Variants in LRP2 observed in about 807,000 individuals in gnomAD.
LRP2 encodes LDL receptor related protein 2, also known as low-density lipoprotein receptor-related protein 2.
Under a neutral mutation model 531.0 loss-of-function variants are expected in LRP2, and 172 were observed. The ratio of observed to expected loss-of-function variants is 0.32; its 90% confidence interval spans 0.29 to 0.37. The LOEUF (loss-of-function observed/expected upper bound fraction) is 0.37. Among genes scored for constraint, LRP2 ranks in the 10% least tolerant of loss-of-function variants. LRP2 has a pLI of 1.00. For missense variants in LRP2, 5,167 were observed against 5,868.3 expected (o/e 0.88, Z 3.90); for synonymous variants, 1,992 against 2,027.6 (o/e 0.98, Z 0.47).
chr2:169,263,246 G>T (rs1276493315), intron 16 of LRP2, among the ~76,000 whole-genome samples: 1 of 152,178 alleles, frequency 6.6e-6, no homozygotes, highest in East Asian at 1.9e-4. Context: ...TTGACAAATG[G>T]GATCTAATTA....
chr2:169,234,912 GT>G (rs35329615), intron 29 of LRP2, among the ~76,000 whole-genome samples: 3,747 of 144,868 alleles, frequency 0.026, 66 homozygotes, highest in African/African-American at 0.065. Flanking sequence ...GTTAATTTTT[GT>G]TTTTTTTTTT....
intron 6 of LRP2, among the ~76,000 whole-genome samples, chr2:169,293,826 G>A (rs1449495757): frequency 1.3e-5 from 2 of 152,128 alleles, no homozygotes; most frequent in African/African-American, 2.4e-5. Context: ...GGTTGTCAGA[G>A]GTATGGGTCA....
chr2:169,292,226 T>C (rs779840155), intron 7 of LRP2, 27 bp downstream of exon 7: 6 of 1,483,358 alleles, frequency 4.0e-6, no homozygotes, highest in Non-Finnish European at 5.7e-6. Flanking sequence ...AAAATGCTTT[T>C]CAGTAGGAAT....
chr2:169,289,856 C>A (rs1683954667), intron 8 of LRP2, among the ~76,000 whole-genome samples: 1 of 151,632 alleles, frequency 6.6e-6, no homozygotes, highest in Non-Finnish European at 1.5e-5. Context: ...AATTTTTAAG[C>A]TTTTTTAAAT....
intron 4 of LRP2, among the ~76,000 whole-genome samples, chr2:169,306,023 A>C (rs1175358511): frequency 6.6e-6 from 1 of 152,152 alleles, no homozygotes; most frequent in African/African-American, 2.4e-5. Context: ...CACAACAACA[A>C]AATTGCCTAA....
chr2:169,333,767 C>G (rs1474062379), intron 1 of LRP2, among the ~76,000 whole-genome samples: 1 of 152,086 alleles, frequency 6.6e-6, no homozygotes. Flanking sequence ...TTTTAACAGA[C>G]TGAGCAAAAA....
At chr2:169,268,790 T>C (rs898076346) in intron 16 of LRP2, among the ~76,000 whole-genome samples, 8 of 152,242 alleles carry the variant, frequency 5.3e-5, no homozygotes, top group African/African-American at 1.7e-4. Flanking sequence ...GGGTATTCAA[T>C]TAGGAAAAGA....
intron 29 of LRP2, among the ~76,000 whole-genome samples, chr2:169,235,332 C>T (rs144833199): frequency 0.018 from 2,677 of 151,932 alleles, 71 homozygotes; most frequent in African/African-American, 0.061. Context: ...CTCTGCTTCC[C>T]GGGTTCAAGC....
rs776885594 is a variant in LRP2 at position 169,257,117 on chromosome 2, T to C, written c.2639+7A>G. 8.7e-6 allele frequency: 14 copies of C among 1,612,396 alleles called. No individual in the cohort carries two copies. The Admixed American group carries it at 2.3e-4, about 27-fold the overall frequency. On this transcript the variant is annotated splice_region_variant and intron_variant, in intron 18 of 78. Transcript: ENST00000649046. ...ACTAAGTATCGGGGATGATGATTCC[T>C]ACTTACGCCCAATCGATGGCCAAGC...
chr2:169,137,531 G>A, intron 75 of LRP2, 38 bp from the exon 76 acceptor site: 11 of 1,249,190 alleles, frequency 8.8e-6, no homozygotes, highest in East Asian at 2.3e-5. Context: ...GAGAGAGAGA[G>A]AGAAACAGAG....
At chr2:169,257,906 T>C (rs1187048647) in intron 17 of LRP2, among the ~76,000 whole-genome samples, 2 of 151,894 alleles carry the variant, frequency 1.3e-5, no homozygotes, top group African/African-American at 2.4e-5. Context: ...GAATCAAAAT[T>C]ATTCTTTTCC....
chr2:169,170,778 GC>G, intron 58 of LRP2, 111 bp from the exon 59 acceptor site: 1 of 793,712 alleles, frequency 1.3e-6, no homozygotes. Context: ...TGTGTCCCAA[GC>G]CCCAGAGGTG....
intron 65 of LRP2, 30 bp from the exon 66 acceptor site, chr2:169,154,633 G>T: frequency 1.9e-6 from 3 of 1,607,084 alleles, no homozygotes; most frequent in Non-Finnish European, 2.6e-6. Flanking sequence ...TACTTTATCT[G>T]TTTGAATTAT....
At chr2:169,315,689 A>C (rs1044834310) in intron 3 of LRP2, among the ~76,000 whole-genome samples, 9 of 152,194 alleles carry the variant, frequency 5.9e-5, no homozygotes, top group Non-Finnish European at 1.3e-4. Flanking sequence ...TCCTGGAATT[A>C]ATGGAGAGCT....
intron 1 of LRP2, 90 bp downstream of exon 1, chr2:169,362,231 G>C: frequency 8.6e-7 from 1 of 1,161,252 alleles, no homozygotes; most frequent in South Asian, 1.5e-5. Context: ...GCCCCTGCCC[G>C]GACGCTCTCC....
intron 47 of LRP2, 65 bp from the exon 48 acceptor site, chr2:169,192,098 C>A: frequency 7.8e-7 from 1 of 1,285,188 alleles, no homozygotes; most frequent in Non-Finnish European, 1.1e-6. Flanking sequence ...ATTCTCTTTG[C>A]TTTAATGTTA....
chr2:169,296,589 G>A (rs1188394098), intron 4 of LRP2, among the ~76,000 whole-genome samples: 3 of 151,892 alleles, frequency 2.0e-5, no homozygotes, highest in Admixed American at 1.3e-4. Flanking sequence ...AGAAAAACTC[G>A]TAGAAAACCC....
chr2:169,339,036 G>C (rs1379949549), intron 1 of LRP2, among the ~76,000 whole-genome samples: 1 of 151,832 alleles, frequency 6.6e-6, no homozygotes, highest in Non-Finnish European at 1.5e-5. Context: ...ATTGATTACT[G>C]ATACTATTTT....
At chr2:169,300,111 T>C (rs1160894144) in intron 4 of LRP2, among the ~76,000 whole-genome samples, 1 of 152,174 alleles carries the variant, frequency 6.6e-6, no homozygotes, top group Non-Finnish European at 1.5e-5. Context: ...CACAGCATTT[T>C]ATTAATCAAT....
Sources: gnomAD v4.1 joint callset for allele counts (sites outside exome capture counted in the v4.1 genomes callset) on GRCh38, gnomAD v4.1.1 for gene constraint, MANE v1.5 for transcripts, NCBI Gene and HGNC (gene_info 2026-07-23, HGNC 2026-07-21) for gene names.